RAB38: variants seen among roughly 807,000 people sequenced by gnomAD.
RAB38 encodes the protein RAB38, member RAS oncogene family.
Under a neutral mutation model 18.4 loss-of-function variants are expected in RAB38, and 15 were observed. That is an observed-to-expected ratio of 0.82 (90% CI 0.55 to 1.26). The LOEUF (loss-of-function observed/expected upper bound fraction) is 1.26. Ranked by LOEUF, RAB38 falls within the 50% of genes most tolerant of loss-of-function variation. The pLI, the probability that RAB38 is intolerant of heterozygous loss-of-function variation, is 0.00. For missense variants in RAB38, 294 were observed against 267.4 expected (o/e 1.10, Z -0.69); for synonymous variants, 101 against 104.4 (o/e 0.97, Z 0.20).
chr11:88,093,110 C>T, the RAB38 span, among the ~76,000 whole-genome samples: 1 of 151,854 alleles, frequency 6.6e-6, no homozygotes, highest in Non-Finnish European at 1.5e-5. Flanking sequence ...TATTATACTC[C>T]TTCAGAGAAA....
the RAB38 span, among the ~76,000 whole-genome samples, chr11:87,947,572 G>A: frequency 2.3e-3 from 356 of 152,070 alleles, 1 homozygote; most frequent in African/African-American, 8.0e-3. Flanking sequence ...TGTATAAAGT[G>A]TAAGGAAGGC....
the RAB38 span, among the ~76,000 whole-genome samples, chr11:87,969,318 T>C: frequency 6.6e-6 from 1 of 152,072 alleles, no homozygotes; most frequent in African/African-American, 2.4e-5. Flanking sequence ...CAATAGAGTA[T>C]GTGAATGAAA....
the RAB38 span, among the ~76,000 whole-genome samples, chr11:87,839,898 C>T: frequency 7.9e-5 from 12 of 152,120 alleles, 1 homozygote; most frequent in East Asian, 2.3e-3. Flanking sequence ...AATCTTTGTC[C>T]TGCATATCAG....
downstream of RAB38, among the ~76,000 whole-genome samples, chr11:88,109,452 T>C (rs528301832): frequency 3.0e-4 from 45 of 152,246 alleles, no homozygotes; most frequent in East Asian, 1.7e-3. Context: ...ATTCAGGACA[T>C]AGGCATGGGC....
At chr11:88,086,814 A>C in the RAB38 span, among the ~76,000 whole-genome samples, 1 of 151,948 alleles carries the variant, frequency 6.6e-6, no homozygotes, top group Non-Finnish European at 1.5e-5. Context: ...AATTATGCAG[A>C]GTACTTTCTT....
intron 1 of RAB38, among the ~76,000 whole-genome samples, chr11:88,158,712 C>T (rs1943154699): frequency 6.6e-6 from 1 of 151,954 alleles, no homozygotes; most frequent in African/African-American, 2.4e-5. Context: ...TGATAAAATC[C>T]AACATCCCTT....
At chr11:88,073,439 T>C in the RAB38 span, among the ~76,000 whole-genome samples, 2 of 152,184 alleles carry the variant, frequency 1.3e-5, no homozygotes, top group Admixed American at 6.5e-5. Context: ...AGGCAAACCT[T>C]GGCTTAGGTT....
At chr11:87,842,839 C>T in the RAB38 span, among the ~76,000 whole-genome samples, 1 of 144,330 alleles carries the variant, frequency 6.9e-6, no homozygotes, top group Admixed American at 7.1e-5. Context: ...CACACACACA[C>T]ACACACAAAT....
the RAB38 span, among the ~76,000 whole-genome samples, chr11:87,937,870 GTTTTTTTTT>G: frequency 7.3e-4 from 67 of 92,002 alleles, no homozygotes; most frequent in South Asian, 0.012. Flanking sequence ...TCATTGAAGT[GTTTTTTTTT>G]TTTTTTTTTT....
the RAB38 span, among the ~76,000 whole-genome samples, chr11:87,844,315 A>G: frequency 2.6e-5 from 4 of 152,220 alleles, no homozygotes; most frequent in African/African-American, 9.6e-5. Context: ...CCATTATTTC[A>G]AGTTGTTTCA....
chr11:88,093,668 A>G, the RAB38 span, among the ~76,000 whole-genome samples: 12 of 151,870 alleles, frequency 7.9e-5, no homozygotes, highest in African/African-American at 2.7e-4. Context: ...TCTAAAATCT[A>G]GATCTGATGT....
chr11:87,836,193 T>C, the RAB38 span, among the ~76,000 whole-genome samples: 3 of 152,172 alleles, frequency 2.0e-5, no homozygotes, highest in African/African-American at 7.2e-5. Flanking sequence ...TGCTAAAGTC[T>C]TTATGAAAGA....
chr11:88,161,211 T>C (rs564931317), intron 1 of RAB38, among the ~76,000 whole-genome samples: 29 of 152,272 alleles, frequency 1.9e-4, no homozygotes, highest in African/African-American at 7.0e-4. Context: ...CAAGTCCCAT[T>C]GGACTACTTG....
chr11:87,805,619 A>ATGCG, the RAB38 span, among the ~76,000 whole-genome samples: 2 of 136,780 alleles, frequency 1.5e-5, no homozygotes, highest in African/African-American at 6.4e-5. Context: ...ACACACACAC[A>ATGCG]CACGCACACA....
chr11:87,845,775 C>A, the RAB38 span, among the ~76,000 whole-genome samples: 2 of 151,994 alleles, frequency 1.3e-5, no homozygotes, highest in African/African-American at 4.8e-5. Context: ...AAAAAAAGGT[C>A]TTGAAAGCAT....
At chr11:87,846,020 C>T in the RAB38 span, among the ~76,000 whole-genome samples, 21 of 151,866 alleles carry the variant, frequency 1.4e-4, no homozygotes, top group Middle Eastern at 3.4e-3. Context: ...ACTATAGGAA[C>T]GATAAAAGAA....
chr11:87,959,037 G>C, the RAB38 span, among the ~76,000 whole-genome samples: 18 of 152,172 alleles, frequency 1.2e-4, no homozygotes, highest in African/African-American at 4.1e-4. Context: ...TGAAAGCTGT[G>C]CTTTAGGCTG....
the RAB38 span, among the ~76,000 whole-genome samples, chr11:87,878,182 T>C: frequency 7.2e-6 from 1 of 138,590 alleles, no homozygotes; most frequent in Non-Finnish European, 1.5e-5. Context: ...TCTTTTATCT[T>C]GGATGCCTAA....
At chr11:88,037,550 A>G in the RAB38 span, among the ~76,000 whole-genome samples, 1 of 152,154 alleles carries the variant, frequency 6.6e-6, no homozygotes, top group East Asian at 1.9e-4. Flanking sequence ...CACCTCCACA[A>G]AAACTCTTTT....
Sources: allele counts gnomAD v4.1 joint callset (sites outside exome capture counted in the v4.1 genomes callset), GRCh38; gene constraint gnomAD v4.1.1; transcripts MANE v1.5; gene names NCBI Gene and HGNC (gene_info 2026-07-23, HGNC 2026-07-21).